NELL1: variants seen among roughly 807,000 people sequenced by gnomAD.
The protein encoded by NELL1 is neural EGFL like 1, also known as protein kinase C-binding protein NELL1.
A neutral mutation model predicts 107.4 loss-of-function variants in NELL1; 76 were observed. The observed-to-expected ratio is 0.71, with a 90% CI of 0.59 to 0.86. The LOEUF (loss-of-function observed/expected upper bound fraction) is 0.86, where lower values mean the gene tolerates loss of function less well. Ranked by LOEUF, NELL1 falls within the 40% of genes least tolerant of loss-of-function variation. NELL1 has a pLI of 0.00. For missense variants in NELL1, 1,024 were observed against 1,005.5 expected (o/e 1.02, Z -0.25); for synonymous variants, 353 against 341.2 (o/e 1.03, Z -0.38).
intron 14 of NELL1, among the ~76,000 whole-genome samples, chr11:21,244,212 C>T (rs1285245488): frequency 1.3e-5 from 2 of 152,152 alleles, no homozygotes; most frequent in African/African-American, 4.8e-5. Flanking sequence ...ATAGCATTTA[C>T]TTTCGTTGCA....
intron 3 of NELL1, among the ~76,000 whole-genome samples, chr11:20,787,160 C>G (rs1394168208): frequency 6.6e-6 from 1 of 151,686 alleles, no homozygotes; most frequent in Non-Finnish European, 1.5e-5. Flanking sequence ...TAGATCCCCT[C>G]TCCCTCTGGA....
chr11:21,108,379 T>A (rs762364438), intron 12 of NELL1, among the ~76,000 whole-genome samples: 9 of 152,242 alleles, frequency 5.9e-5, no homozygotes, highest in Admixed American at 3.3e-4. Flanking sequence ...CAAGTTTCAT[T>A]TTACAGTCCA....
At chr11:21,241,930 G>A (rs1044033000) in intron 14 of NELL1, among the ~76,000 whole-genome samples, 1 of 89,922 alleles carries the variant, frequency 1.1e-5, no homozygotes, top group East Asian at 3.7e-4. Flanking sequence ...TTGCCTAATT[G>A]TGTCATTTAC....
At chr11:20,992,748 C>A (rs1852004292) in intron 12 of NELL1, among the ~76,000 whole-genome samples, 1 of 122,456 alleles carries the variant, frequency 8.2e-6, no homozygotes, top group African/African-American at 3.0e-5. Flanking sequence ...GAGTTTCTCT[C>A]CTGTTACCGA....
chr11:20,982,390 G>A (rs746503831), intron 12 of NELL1, among the ~76,000 whole-genome samples: 1 of 152,132 alleles, frequency 6.6e-6, no homozygotes, highest in Non-Finnish European at 1.5e-5. Flanking sequence ...TGAGGGACCT[G>A]TAAAATGATG....
In NELL1 at chr11:20,928,380, G is replaced by T. The variant is rs1482727946; in HGVS notation, c.898G>T (p.Gly300Cys). ...DHCRNCTCKS[G>C]AVECRRMSCP... ...TTCCATGTCCTTCCTTCCTCAGAGT[G>T]GTGCCGTGGAATGCCGAAGGATGTC... Residue 300 changes from glycine (G) to cysteine (C), a missense_variant, in exon 9 of 20, where the codon GGT (glycine) becomes TGT (cysteine). Gly to Cys is a radical substitution (Grantham distance 159). Transcript: ENST00000357134. 6.2e-7 allele frequency: 1 copy of T among 1,613,186 alleles called. No homozygotes were observed. The highest frequency in any genetic ancestry group is 2.2e-5 in the East Asian group (1 of 44,856).
intron 12 of NELL1, among the ~76,000 whole-genome samples, chr11:21,087,813 A>G (rs908814621): frequency 2.6e-5 from 4 of 152,118 alleles, no homozygotes; most frequent in African/African-American, 9.7e-5. Context: ...ATCAGGTTTG[A>G]TTGGAACATA....
chr11:21,531,571 T>G (rs181744962), intron 15 of NELL1, among the ~76,000 whole-genome samples: 11 of 152,308 alleles, frequency 7.2e-5, no homozygotes, highest in South Asian at 2.1e-4. Context: ...TTCAGCTCTG[T>G]GCTGGATTAA....
At chr11:21,181,427 A>G (rs929507462) in intron 13 of NELL1, among the ~76,000 whole-genome samples, 4 of 151,922 alleles carry the variant, frequency 2.6e-5, no homozygotes, top group Non-Finnish European at 5.9e-5. Context: ...TTGAATGCCT[A>G]CTTCATAACA....
chr11:21,359,433 A>G (rs761964854), intron 14 of NELL1, among the ~76,000 whole-genome samples: 3 of 152,154 alleles, frequency 2.0e-5, no homozygotes, highest in East Asian at 1.9e-4. Flanking sequence ...GTATGCATCT[A>G]TGTTCACCAG....
At chr11:21,133,722 G>A (rs1855677849) in intron 13 of NELL1, among the ~76,000 whole-genome samples, 1 of 152,034 alleles carries the variant, frequency 6.6e-6, no homozygotes, top group Non-Finnish European at 1.5e-5. Flanking sequence ...GGCAGTTGTT[G>A]GGGGATGGGG....
chr11:21,570,201 TGCC>T (rs1857068012), intron 17 of NELL1, among the ~76,000 whole-genome samples: 1 of 151,822 alleles, frequency 6.6e-6, no homozygotes, highest in East Asian at 1.9e-4. Context: ...AAGGCGATCT[TGCC>T]AAAGAATATT....
intron 14 of NELL1, among the ~76,000 whole-genome samples, chr11:21,232,222 C>T (rs1034012653): frequency 9.6e-5 from 14 of 145,824 alleles, no homozygotes; most frequent in Non-Finnish European, 1.3e-4. Flanking sequence ...CCCAGCTACT[C>T]GGGAGGCTGA....
At chr11:21,201,753 G>C (rs952751618) in intron 13 of NELL1, among the ~76,000 whole-genome samples, 2 of 152,132 alleles carry the variant, frequency 1.3e-5, no homozygotes, top group African/African-American at 4.8e-5. Context: ...GTATGATGTT[G>C]GCTGTAGGTT....
At chr11:21,374,805 G>A (rs1851432536) in intron 15 of NELL1, among the ~76,000 whole-genome samples, 1 of 151,794 alleles carries the variant, frequency 6.6e-6, no homozygotes, top group Non-Finnish European at 1.5e-5. Flanking sequence ...CATGGAACAG[G>A]ATATATTGTT....
chr11:20,692,760 T>C (rs12099302), intron 2 of NELL1, among the ~76,000 whole-genome samples: 31,619 of 151,974 alleles, frequency 0.21, 3,590 homozygotes, highest in African/African-American at 0.27. Context: ...AATGTATATT[T>C]TGTTGATTTG....
chr11:20,933,757 A>G (rs1319999520), intron 9 of NELL1, among the ~76,000 whole-genome samples: 1 of 152,234 alleles, frequency 6.6e-6, no homozygotes, highest in Non-Finnish European at 1.5e-5. Context: ...TTGTTTATTC[A>G]GTGTGCACCC....
At chr11:21,156,908 C>A (rs927095538) in intron 13 of NELL1, among the ~76,000 whole-genome samples, 49 of 147,180 alleles carry the variant, frequency 3.3e-4, no homozygotes, top group South Asian at 6.6e-4. Context: ...GCCTGGACAA[C>A]ATGGTGGAAC....
intron 2 of NELL1, among the ~76,000 whole-genome samples, chr11:20,704,969 C>T (rs182439991): frequency 1.9e-4 from 29 of 152,066 alleles, no homozygotes; most frequent in African/African-American, 3.6e-4. Flanking sequence ...TGTGAAGGAC[C>T]GCTTCAAGGA....
Sources: gnomAD v4.1 joint callset for allele counts (sites outside exome capture counted in the v4.1 genomes callset) on GRCh38, gnomAD v4.1.1 for gene constraint, MANE v1.5 for transcripts, NCBI Gene and HGNC (gene_info 2026-07-23, HGNC 2026-07-21) for gene names.